The following GRIA4 variants were observed in gnomAD, a reference collection of about 807,000 sequenced individuals.
GRIA4 encodes the protein glutamate receptor 4.
Under a neutral mutation model 104.0 loss-of-function variants are expected in GRIA4, and 34 were observed. The observed-to-expected ratio is 0.33, with a 90% CI of 0.25 to 0.44. The LOEUF (loss-of-function observed/expected upper bound fraction) is 0.44, where lower values mean the gene tolerates loss of function less well. Among genes scored for constraint, GRIA4 ranks in the 20% least tolerant of loss-of-function variants. GRIA4 has a pLI of 1.00. For missense variants in GRIA4, 750 were observed against 1,096.5 expected, an observed-to-expected ratio of 0.68 and a Z score of 4.46; for synonymous variants, 386 against 381.9, an observed-to-expected ratio of 1.01 and a Z score of -0.13.
intron 10 of GRIA4, among the ~76,000 whole-genome samples, chr11:105,913,874 G>T (rs978984023): frequency 1.3e-5 from 2 of 151,952 alleles, no homozygotes; most frequent in Non-Finnish European, 2.9e-5. Flanking sequence ...ATTCACTCCA[G>T]TATCAGAATT....
At chr11:105,863,217 G>C (rs1056411652) in intron 5 of GRIA4, among the ~76,000 whole-genome samples, 1 of 152,072 alleles carries the variant, frequency 6.6e-6, no homozygotes, top group Non-Finnish European at 1.5e-5. Context: ...TTGCAGGCAA[G>C]GGACTAGATG....
chr11:105,644,767 G>C (rs1951477825), intron 3 of GRIA4, among the ~76,000 whole-genome samples: 1 of 152,132 alleles, frequency 6.6e-6, no homozygotes, highest in Non-Finnish European at 1.5e-5. Flanking sequence ...TGAGAGTTAG[G>C]AAATGATAGC....
chr11:105,897,202 G>T (rs1460697700), intron 6 of GRIA4, among the ~76,000 whole-genome samples: 1 of 151,990 alleles, frequency 6.6e-6, no homozygotes, highest in East Asian at 1.9e-4. Context: ...TTCTTGATTT[G>T]GTTCTCAGCT....
At chr11:105,685,668 T>C (rs1952856219) in intron 3 of GRIA4, among the ~76,000 whole-genome samples, 1 of 152,164 alleles carries the variant, frequency 6.6e-6, no homozygotes, top group African/African-American at 2.4e-5. Flanking sequence ...TTAGTTTGGA[T>C]ACAGAATGGA....
intron 3 of GRIA4, among the ~76,000 whole-genome samples, chr11:105,642,669 T>C (rs1951405315): frequency 6.6e-6 from 1 of 152,020 alleles, no homozygotes. Context: ...ATCCTGAAGT[T>C]GGGACTTCTG....
At position 105,852,043 on chromosome 11, in the gene GRIA4, C is replaced by A. The variant is rs369288296; in HGVS notation, c.488-9981C>A. ...GAAAGAAGAAATAAATAGAGAACTG[C>A]TCATGAAATGTCTTAAATGTAATAT... On this transcript the variant is annotated intron_variant, in intron 4 of 16. Transcript: ENST00000282499. Among the ~76,000 whole-genome samples the A allele has an allele frequency of 3.9e-5, 6 of 152,258 alleles. 1 individual carries two copies. The highest frequency in any genetic ancestry group is 6.8e-3 in the Middle Eastern group (2 of 294).
chr11:105,663,175 T>C (rs1952064510), intron 3 of GRIA4, among the ~76,000 whole-genome samples: 1 of 116,294 alleles, frequency 8.6e-6, no homozygotes, highest in Admixed American at 1.0e-4. Flanking sequence ...TATATAACTT[T>C]ATTACCAAGT....
intron 10 of GRIA4, among the ~76,000 whole-genome samples, chr11:105,917,949 C>T (rs2136182668): frequency 6.6e-6 from 1 of 151,888 alleles, no homozygotes; most frequent in African/African-American, 2.4e-5. Context: ...TTCTGTCTCA[C>T]TTGCTTAGAA....
chr11:105,734,764 C>A (rs1412546653), intron 3 of GRIA4, among the ~76,000 whole-genome samples: 1 of 152,168 alleles, frequency 6.6e-6, no homozygotes, highest in Non-Finnish European at 1.5e-5. Flanking sequence ...GACTGGCATA[C>A]TCCTAGTTAT....
chr11:105,823,817 T>C (rs1414781803), intron 4 of GRIA4, among the ~76,000 whole-genome samples: 1 of 152,120 alleles, frequency 6.6e-6, no homozygotes, highest in East Asian at 1.9e-4. Flanking sequence ...CAAATTCATA[T>C]GTTGTAAGCC....
intron 4 of GRIA4, among the ~76,000 whole-genome samples, chr11:105,845,284 T>G (rs544882854): frequency 1.3e-5 from 2 of 152,178 alleles, no homozygotes; most frequent in Non-Finnish European, 2.9e-5. Flanking sequence ...TGTGGCTGCT[T>G]GGGCTTCCTT....
intron 3 of GRIA4, among the ~76,000 whole-genome samples, chr11:105,640,468 A>G (rs1261048499): frequency 2.0e-5 from 3 of 151,954 alleles, no homozygotes; most frequent in African/African-American, 7.2e-5. Flanking sequence ...TTACTATTTT[A>G]TAGACACTTA....
At chr11:105,768,650 G>A (rs934838467) in intron 4 of GRIA4, among the ~76,000 whole-genome samples, 1 of 151,996 alleles carries the variant, frequency 6.6e-6, no homozygotes, top group Admixed American at 6.6e-5. Flanking sequence ...TTGGGGAAAG[G>A]GGGTGTTTGT....
intron 3 of GRIA4, among the ~76,000 whole-genome samples, chr11:105,741,158 T>C (rs1167018366): frequency 6.6e-6 from 1 of 152,082 alleles, no homozygotes. Flanking sequence ...ATGTGTTAGA[T>C]GTGGAAATAA....
At chr11:105,853,768 A>T (rs1259544427) in intron 4 of GRIA4, among the ~76,000 whole-genome samples, 2 of 151,644 alleles carry the variant, frequency 1.3e-5, no homozygotes, top group Admixed American at 1.3e-4. Flanking sequence ...AACAATCAAC[A>T]CTCTCCTTTC....
At chr11:105,631,682 A>C (rs1462227355) in intron 3 of GRIA4, among the ~76,000 whole-genome samples, 1 of 152,114 alleles carries the variant, frequency 6.6e-6, no homozygotes, top group African/African-American at 2.4e-5. Flanking sequence ...GCTGTGCCAC[A>C]CACTTTATTG....
At chr11:105,879,474 T>C (rs1029504692) in intron 5 of GRIA4, among the ~76,000 whole-genome samples, 6 of 152,212 alleles carry the variant, frequency 3.9e-5, no homozygotes, top group Non-Finnish European at 5.9e-5. Context: ...ATTTTCAATA[T>C]ACATTTGGAA....
intron 11 of GRIA4, among the ~76,000 whole-genome samples, chr11:105,921,472 T>C (rs1018789621): frequency 3.9e-5 from 6 of 152,146 alleles, no homozygotes; most frequent in South Asian, 2.1e-4. Context: ...ACAATGCACA[T>C]GCAACATCCC....
intron 3 of GRIA4, among the ~76,000 whole-genome samples, chr11:105,718,297 G>A (rs1369273343): frequency 2.0e-5 from 3 of 152,162 alleles, no homozygotes; most frequent in Admixed American, 2.0e-4. Flanking sequence ...GCTTTCATTA[G>A]TGTAATTATT....
Sources: allele counts gnomAD v4.1 joint callset (sites outside exome capture counted in the v4.1 genomes callset), GRCh38; gene constraint gnomAD v4.1.1; transcripts MANE v1.5; gene names NCBI Gene and HGNC (gene_info 2026-07-23, HGNC 2026-07-21).